The following AFAP1L2 variants were observed in gnomAD, a reference collection of about 807,000 sequenced individuals.
AFAP1L2 encodes the protein actin filament associated protein 1 like 2.
AFAP1L2 carries 46 observed loss-of-function variants against 99.3 expected under a neutral mutation model. That is an observed-to-expected ratio of 0.46 (90% CI 0.37 to 0.59). The LOEUF (loss-of-function observed/expected upper bound fraction) is 0.59. Ranked by LOEUF, AFAP1L2 falls within the 20% of genes least tolerant of loss-of-function variation. AFAP1L2 has a pLI of 0.00. For missense variants in AFAP1L2, 959 were observed against 1,034.9 expected, an observed-to-expected ratio of 0.93 and a Z score of 1.01; for synonymous variants, 397 against 419.1, an observed-to-expected ratio of 0.95 and a Z score of 0.64.
chr10:114,308,442 T>G lies in AFAP1L2; in HGVS notation c.958A>C (p.Thr320Pro). The G allele has an allele frequency of 1.2e-6, 2 of 1,614,042 alleles. No homozygotes were observed. Among genetic ancestry groups the G allele is most frequent in the Non-Finnish European group, 1.7e-6 (2 of 1,179,916 alleles). ...SVDGHPEVPE[T>P]KDVKKKCSAG... ...AACCACATGATGTTACCGTCTTTGG[T>G]TTCTGGGACCTCAGGGTGGCCATCC... The change falls in exon 9 of 19, where the codon ACC becomes CCC. Residue 320 changes from threonine (T) to proline (P), a missense_variant. Physicochemically the swap from Thr to Pro is conservative, Grantham distance 38. Around this residue, in one of 2 missense-constraint regions of AFAP1L2, gnomAD observed 383 missense variants for 472.8 expected, o/e 0.81. Transcript: ENST00000304129.
At chr10:114,324,799 T>C (rs1365409434) in intron 4 of AFAP1L2, among the ~76,000 whole-genome samples, 1 of 152,148 alleles carries the variant, frequency 6.6e-6, no homozygotes, top group African/African-American at 2.4e-5. Flanking sequence ...TGCAGTGCCC[T>C]GAGCTCAGGT....
chr10:114,400,549 A>C (rs1347129854), intron 1 of AFAP1L2, among the ~76,000 whole-genome samples: 1 of 152,188 alleles, frequency 6.6e-6, no homozygotes, highest in Non-Finnish European at 1.5e-5. Flanking sequence ...AGGTGATTAC[A>C]GTAGATTTCT....
chr10:114,384,364 C>T (rs1253943422), intron 1 of AFAP1L2, among the ~76,000 whole-genome samples: 3 of 150,408 alleles, frequency 2.0e-5, no homozygotes, highest in African/African-American at 4.9e-5. Context: ...TTCACTGGAG[C>T]GTCTGCTGCA....
rs1249673335 is a variant in AFAP1L2, at chr10:114,299,356, C to G, written c.2017G>C (p.Glu673Gln). ...TCTTCCTTCTTCTTTTCAAGCCTCTCCTTCTCCTCTGTGTACCGCTTCACC... is the reference window on the plus strand; with the variant it reads ...TCTTCCTTCTTCTTTTCAAGCCTCTGCTTCTCCTCTGTGTACCGCTTCACC... ...AEVKRYTEEK[E>Q]RLEKKKEEIR... is the part of the protein sequence containing the mutation. Residue 673 changes from glutamate to glutamine, a missense_variant, in exon 16 of 19, where the codon GAG (glutamate) becomes CAG (glutamine). By Grantham distance (29) the Glu-to-Gln change is conservative. Transcript: ENST00000304129. 1.9e-6 allele frequency: 3 copies of G among 1,614,122 alleles called. No homozygotes were observed. The East Asian group carries it at 6.7e-5, about 36-fold the overall frequency.
intron 3 of AFAP1L2, among the ~76,000 whole-genome samples, chr10:114,332,554 C>G (rs182490334): frequency 9.8e-5 from 15 of 152,352 alleles, no homozygotes; most frequent in Admixed American, 9.8e-4. Flanking sequence ...GTTCCCACCC[C>G]TCTCTAAGCC....
intron 1 of AFAP1L2, among the ~76,000 whole-genome samples, chr10:114,362,166 G>A (rs542639853): frequency 4.5e-4 from 69 of 152,206 alleles, no homozygotes; most frequent in Admixed American, 1.4e-3. Flanking sequence ...GGTTGGTATG[G>A]GAATTAAATG....
chr10:114,340,307 G>T (rs2048630646), intron 2 of AFAP1L2, among the ~76,000 whole-genome samples: 1 of 152,114 alleles, frequency 6.6e-6, no homozygotes, highest in Admixed American at 6.6e-5. Context: ...GTGACAGAGT[G>T]AGCCCCTGCT....
At chr10:114,289,138 C>T in the AFAP1L2 span, 526 of 1,613,940 alleles carry the variant, frequency 3.3e-4, 4 homozygotes, top group East Asian at 8.6e-3. Flanking sequence ...CAAACCCACC[C>T]GGGCTGCGAT....
At chr10:114,335,365 C>A (rs997549671) in intron 2 of AFAP1L2, among the ~76,000 whole-genome samples, 1 of 152,018 alleles carries the variant, frequency 6.6e-6, no homozygotes, top group East Asian at 1.9e-4. Flanking sequence ...GTAATCCCAG[C>A]ACTTTGGGAG....
At chr10:114,298,633 G>A (rs576293811) in intron 16 of AFAP1L2, among the ~76,000 whole-genome samples, 10 of 151,506 alleles carry the variant, frequency 6.6e-5, no homozygotes, top group Admixed American at 3.9e-4. Context: ...GGTGTCCCTT[G>A]GGCTCAGGAG....
chr10:114,333,401 G>T, intron 2 of AFAP1L2, 106 bp from the exon 3 acceptor site: 1 of 811,062 alleles, frequency 1.2e-6, no homozygotes, highest in Non-Finnish European at 2.1e-6. Context: ...CTAGGTTCCA[G>T]TAAAAGCACA....
At chr10:114,383,209 A>G (rs1351305496) in intron 1 of AFAP1L2, among the ~76,000 whole-genome samples, 1 of 152,228 alleles carries the variant, frequency 6.6e-6, no homozygotes, top group African/African-American at 2.4e-5. Context: ...GCCTCTGGCA[A>G]GGGCAGGTGA....
chr10:114,288,053 A>G, the AFAP1L2 span, among the ~76,000 whole-genome samples: 2 of 152,154 alleles, frequency 1.3e-5, no homozygotes, highest in Non-Finnish European at 2.9e-5. Flanking sequence ...TAGAATTTCC[A>G]GTGGTTCCCC....
chr10:114,358,823 G>A (rs917805054), intron 1 of AFAP1L2, among the ~76,000 whole-genome samples: 13 of 152,142 alleles, frequency 8.5e-5, no homozygotes, highest in African/African-American at 3.1e-4. Flanking sequence ...GCTGAGGCAG[G>A]AGAATCGCTT....
At chr10:114,301,558 G>A (rs1229828791) in intron 12 of AFAP1L2, 93 bp from the exon 13 acceptor site, 15 of 905,620 alleles carry the variant, frequency 1.7e-5, no homozygotes, top group Admixed American at 5.7e-5. Flanking sequence ...AGTGGTTGCC[G>A]TGAAAGTGGT....
intron 1 of AFAP1L2, among the ~76,000 whole-genome samples, chr10:114,366,293 G>A (rs780182616): frequency 6.6e-6 from 1 of 152,166 alleles, no homozygotes; most frequent in Non-Finnish European, 1.5e-5. Flanking sequence ...ATGCTTGGTA[G>A]GGATTCTGGG....
chr10:114,395,971 A>G (rs574339102), intron 1 of AFAP1L2, among the ~76,000 whole-genome samples: 2 of 152,336 alleles, frequency 1.3e-5, no homozygotes, highest in East Asian at 1.9e-4. Context: ...CTTTCCCCCA[A>G]CAAAACTAAG....
At chr10:114,356,668 C>G (rs929692271) in intron 1 of AFAP1L2, among the ~76,000 whole-genome samples, 3 of 152,148 alleles carry the variant, frequency 2.0e-5, no homozygotes, top group Admixed American at 6.5e-5. Flanking sequence ...AAACAATGTT[C>G]AGAGAGAGAA....
chr10:114,312,543 C>T (rs918537873), intron 7 of AFAP1L2, among the ~76,000 whole-genome samples: 5 of 150,996 alleles, frequency 3.3e-5, no homozygotes, highest in African/African-American at 1.2e-4. Flanking sequence ...TCTGTACTAT[C>T]CAAGTTTCAC....
Sources: gnomAD v4.1 joint callset for allele counts (sites outside exome capture counted in the v4.1 genomes callset) on GRCh38, gnomAD v4.1.1 for gene constraint, gnomAD v4.1.1 regional missense constraint, MANE v1.5 for transcripts, NCBI Gene and HGNC (gene_info 2026-07-23, HGNC 2026-07-21) for gene names.